DRC8: variants seen among roughly 807,000 people sequenced by gnomAD.
The protein encoded by DRC8 is dynein regulatory complex protein 8.
the DRC8 span, chr1:245,083,788 T>C: frequency 4.1e-6 from 6 of 1,470,830 alleles, no homozygotes; most frequent in Non-Finnish European, 5.4e-6. Flanking sequence ...AAATCAGTCA[T>C]TCTGGTGAAA....
chr1:245,089,390 A>G, the DRC8 span, among the ~76,000 whole-genome samples: 6 of 152,106 alleles, frequency 3.9e-5, no homozygotes, highest in African/African-American at 1.4e-4. This position sits in a 1 kb window ranked among gnomAD's most constrained non-coding sequence, Gnocchi z 4.8. Flanking sequence ...GAACAAAACC[A>G]TGGGGGATAT....
the DRC8 span, among the ~76,000 whole-genome samples, chr1:245,023,718 T>G: frequency 6.6e-6 from 1 of 152,212 alleles, no homozygotes; most frequent in African/African-American, 2.4e-5. Context: ...TTTGGAGAAG[T>G]GTCTAGTCTT....
At chr1:245,010,185 G>A in the DRC8 span, among the ~76,000 whole-genome samples, 1 of 152,110 alleles carries the variant, frequency 6.6e-6, no homozygotes, top group Non-Finnish European at 1.5e-5. Context: ...GTTTAGGGCC[G>A]CACAACAAGC....
the DRC8 span, among the ~76,000 whole-genome samples, chr1:245,088,635 C>T: frequency 1.3e-5 from 2 of 152,170 alleles, no homozygotes; most frequent in African/African-American, 2.4e-5. The surrounding 1 kb of genome is among the most constrained non-coding windows in gnomAD (Gnocchi z 4.6). Context: ...TTCAGGGTCC[C>T]GTGCAAGTGC....
At chr1:244,975,978 A>G in the DRC8 span, among the ~76,000 whole-genome samples, 1 of 152,100 alleles carries the variant, frequency 6.6e-6, no homozygotes, top group Admixed American at 6.6e-5. Context: ...AACATAAAAC[A>G]TAAGAGTTGG....
the DRC8 span, among the ~76,000 whole-genome samples, chr1:245,110,722 C>G: frequency 6.6e-6 from 1 of 152,242 alleles, no homozygotes; most frequent in African/African-American, 2.4e-5. Flanking sequence ...TCTTCAGGCT[C>G]TGCAATTTGG....
chr1:244,972,075 A>G, the DRC8 span, among the ~76,000 whole-genome samples: 2 of 152,012 alleles, frequency 1.3e-5, no homozygotes, highest in South Asian at 2.1e-4. Flanking sequence ...GGAGTATGGT[A>G]CAAATACAGT....
chr1:245,070,429 T>C, the DRC8 span, among the ~76,000 whole-genome samples: 2 of 152,244 alleles, frequency 1.3e-5, no homozygotes. Flanking sequence ...GTATAGGCCC[T>C]TTTCAGATGC....
At chr1:245,036,308 G>A in the DRC8 span, among the ~76,000 whole-genome samples, 1 of 152,174 alleles carries the variant, frequency 6.6e-6, no homozygotes, top group Non-Finnish European at 1.5e-5. Context: ...TCAGGGAAAT[G>A]CAAATCAAAA....
chr1:244,985,890 A>T, the DRC8 span, among the ~76,000 whole-genome samples: 21 of 151,592 alleles, frequency 1.4e-4, no homozygotes, highest in African/African-American at 5.1e-4. Flanking sequence ...CATAATTGTT[A>T]TAAGCAGTTC....
the DRC8 span, among the ~76,000 whole-genome samples, chr1:244,979,597 C>T: frequency 1.3e-4 from 19 of 151,644 alleles, no homozygotes; most frequent in East Asian, 1.4e-3. Context: ...TGAGCCACTG[C>T]GCCTGGCCTA....
the DRC8 span, among the ~76,000 whole-genome samples, chr1:245,092,231 T>C: frequency 6.6e-6 from 1 of 152,210 alleles, no homozygotes; most frequent in Non-Finnish European, 1.5e-5. Flanking sequence ...AGTCACCCAG[T>C]GTCTAAGTAC....
chr1:245,065,316 G>C, the DRC8 span, among the ~76,000 whole-genome samples: 1 of 151,906 alleles, frequency 6.6e-6, no homozygotes, highest in African/African-American at 2.4e-5. Flanking sequence ...GCCTCCCAAA[G>C]TGCTCGGATT....
the DRC8 span, chr1:245,124,383 C>T: frequency 6.6e-6 from 1 of 152,192 alleles, no homozygotes; most frequent in Non-Finnish European, 1.5e-5. Context: ...CGTCACTTGG[C>T]CTGGAGGGGA....
chr1:245,111,134 A>T, the DRC8 span, among the ~76,000 whole-genome samples: 6 of 152,360 alleles, frequency 3.9e-5, no homozygotes, highest in African/African-American at 1.4e-4. Context: ...AATTAACTTT[A>T]TAATTTACTT....
chr1:245,065,718 T>A, the DRC8 span, among the ~76,000 whole-genome samples: 2 of 152,006 alleles, frequency 1.3e-5, no homozygotes, highest in South Asian at 4.1e-4. Context: ...AACTTTAAAC[T>A]TCATCACTGG....
At chr1:245,093,353 C>G in the DRC8 span, among the ~76,000 whole-genome samples, 3 of 152,158 alleles carry the variant, frequency 2.0e-5, no homozygotes, top group African/African-American at 7.2e-5. Context: ...TTTACCTCAT[C>G]TAGTGGAGAA....
the DRC8 span, among the ~76,000 whole-genome samples, chr1:245,093,199 C>T: frequency 4.6e-5 from 7 of 151,898 alleles, no homozygotes; most frequent in Admixed American, 6.6e-5. Flanking sequence ...GGGAGATAGC[C>T]GAGGTTTGCT....
the DRC8 span, among the ~76,000 whole-genome samples, chr1:245,076,515 C>T: frequency 6.6e-6 from 1 of 152,082 alleles, no homozygotes; most frequent in Non-Finnish European, 1.5e-5. Context: ...AAGACTCTGA[C>T]CAATACAGAA....
Sources: gnomAD v4.1 joint callset for allele counts (sites outside exome capture counted in the v4.1 genomes callset) on GRCh38, gnomAD v4.1.1 for gene constraint, Gnocchi (gnomAD v3.1) non-coding constraint, MANE v1.5 for transcripts, NCBI Gene and HGNC (gene_info 2026-07-23, HGNC 2026-07-21) for gene names.